Variants in UTS2B observed in about 807,000 individuals in gnomAD.
UTS2B encodes the protein urotensin-2B.
In UTS2B, 21 loss-of-function variants were observed where a neutral mutation model predicts 19.2. The observed-to-expected ratio is 1.09, with a 90% confidence interval of 0.78 to 1.58. The LOEUF (loss-of-function observed/expected upper bound fraction) is 1.58. Ranked by LOEUF, UTS2B falls within the 40% of genes most tolerant of loss-of-function variation. The pLI, the probability that UTS2B is intolerant of heterozygous loss-of-function variation, is 0.00. For missense variants in UTS2B, 138 were observed against 130.3 expected, an observed-to-expected ratio of 1.06 and a Z score of -0.29; for synonymous variants, 57 against 50.2, an observed-to-expected ratio of 1.14 and a Z score of -0.58.
rs1199992348 is a variant in UTS2B at position 191,281,118 on chromosome 3, T to C, written c.103+969A>G. On this transcript the variant is annotated intron_variant, in intron 5 of 8. Transcript: ENST00000340524. ...GGTAAAATGGAATTAGAATCAGAAA[T>C]TGGAAACTTGATCCCTTTTCTCAAT... 5.3e-5 allele frequency among the ~76,000 whole-genome samples: 8 copies of C among 152,164 alleles called. No homozygotes were observed. In the East Asian group the frequency reaches 1.3e-3, roughly 26 times the overall value.
At chr3:191,276,411 T>C (rs1198622000) in intron 7 of UTS2B, among the ~76,000 whole-genome samples, 1 of 152,230 alleles carries the variant, frequency 6.6e-6, no homozygotes, top group East Asian at 1.9e-4. Flanking sequence ...ATGTTTCATT[T>C]GCTGGGAAAA....
At chr3:191,314,352 G>A (rs1717390755) in intron 3 of UTS2B, among the ~76,000 whole-genome samples, 2 of 152,258 alleles carry the variant, frequency 1.3e-5, no homozygotes, top group Admixed American at 1.3e-4. Flanking sequence ...CAGCAGTCGT[G>A]CATTCTATTC....
intron 2 of UTS2B, among the ~76,000 whole-genome samples, chr3:191,325,047 C>T (rs1358079942): frequency 7.1e-6 from 1 of 140,278 alleles, no homozygotes; most frequent in African/African-American, 2.5e-5. Context: ...GAGACTCCAT[C>T]TCAGGAAAAA....
intron 8 of UTS2B, among the ~76,000 whole-genome samples, chr3:191,272,621 G>A (rs530303502): frequency 4.6e-5 from 7 of 152,184 alleles, no homozygotes; most frequent in Non-Finnish European, 1.0e-4. Flanking sequence ...AGCACTTTGG[G>A]AGGCAGAAGC....
At chr3:191,275,210 T>C (rs752849184) in intron 8 of UTS2B, 42 bp downstream of exon 8, 2 of 1,444,654 alleles carry the variant, frequency 1.4e-6, no homozygotes, top group Admixed American at 3.8e-5. Flanking sequence ...GCAAAAATAA[T>C]CTTTTGGAAG....
the UTS2B span, among the ~76,000 whole-genome samples, chr3:191,343,170 G>T: frequency 5.3e-5 from 8 of 152,264 alleles, no homozygotes; most frequent in South Asian, 4.1e-4. Flanking sequence ...TGGTATCTGT[G>T]GGGGTGCTGG....
intron 3 of UTS2B, among the ~76,000 whole-genome samples, chr3:191,304,756 C>G (rs533545851): frequency 6.6e-6 from 1 of 152,256 alleles, no homozygotes; most frequent in Non-Finnish European, 1.5e-5. Context: ...TTGTTATACA[C>G]ATTATTTCAT....
chr3:191,275,180 T>C, intron 8 of UTS2B, 72 bp downstream of exon 8: 1 of 1,189,180 alleles, frequency 8.4e-7, no homozygotes, highest in Non-Finnish European at 1.2e-6. Context: ...AACTGAATCT[T>C]CTTCCTCTCA....
the UTS2B span, among the ~76,000 whole-genome samples, chr3:191,341,247 A>C: frequency 6.6e-6 from 1 of 152,214 alleles, no homozygotes. Flanking sequence ...GAATTTATTA[A>C]CTTTAATGAG....
At chr3:191,300,175 G>A (rs12486272) in intron 4 of UTS2B, among the ~76,000 whole-genome samples, 58,842 of 151,684 alleles carry the variant, frequency 0.39, 11,930 homozygotes, top group East Asian at 0.64. Flanking sequence ...TCAGCCTCCC[G>A]AGTGGCTGGG....
intron 8 of UTS2B, among the ~76,000 whole-genome samples, chr3:191,275,026 T>G (rs1217765844): frequency 3.3e-5 from 5 of 152,212 alleles, no homozygotes. Context: ...AAGGACCTAT[T>G]TTATTTAAAC....
intron 1 of UTS2B, among the ~76,000 whole-genome samples, chr3:191,329,932 A>C (rs1249189503): frequency 1.6e-4 from 2 of 12,204 alleles, no homozygotes; most frequent in Admixed American, 1.0e-3. Context: ...TTTTTTCTCA[A>C]GGGGGTGGTT....
chr3:191,320,387 A>T (rs912355205), intron 2 of UTS2B, among the ~76,000 whole-genome samples: 1 of 152,252 alleles, frequency 6.6e-6, no homozygotes, highest in Non-Finnish European at 1.5e-5. Flanking sequence ...AGGACAGGGC[A>T]GTGAGAAGGG....
chr3:191,273,996 G>T (rs1466564283), intron 8 of UTS2B, among the ~76,000 whole-genome samples: 1 of 152,016 alleles, frequency 6.6e-6, no homozygotes, highest in Non-Finnish European at 1.5e-5. Flanking sequence ...CAGCTACTTG[G>T]GAGGCTGAGG....
In UTS2B at chr3:191,304,489, C is replaced by CA. The variant is rs1438651631; in HGVS notation, c.-125+2dup. 1 of 152,194 alleles carries CA rather than the reference C, an allele frequency of 6.6e-6. No homozygotes were observed. Among genetic ancestry groups the CA allele is most frequent in the Non-Finnish European group, 1.5e-5 (1 of 68,034 alleles). The allele number at this position is 152,194 out of a possible 1,614,324, so 9.4% of individuals were successfully genotyped here. A position where few individuals can be genotyped will look rare whatever the true frequency, so the allele number is the denominator to read the frequency against. On this transcript the variant is annotated splice_region_variant and intron_variant, in intron 4 of 8. Coordinates refer to ENST00000340524, the MANE Select transcript of UTS2B (RefSeq NM_198152.5). ...CTTTCCCAGGTACATTTCTCCTACTCACCATTCTCTCGTGCTATTTCCTCC... is the reference window on the plus strand; with the variant it reads ...CTTTCCCAGGTACATTTCTCCTACTCAACCATTCTCTCGTGCTATTTCCTCC...
chr3:191,276,782 T>C, intron 7 of UTS2B, 25 bp downstream of exon 7: 2 of 1,598,978 alleles, frequency 1.3e-6, no homozygotes, highest in Non-Finnish European at 1.7e-6. Flanking sequence ...TTAAAACTGC[T>C]CATTTAAGTA....
At chr3:191,295,920 T>A (rs1461133681) in intron 4 of UTS2B, among the ~76,000 whole-genome samples, 2 of 152,188 alleles carry the variant, frequency 1.3e-5, no homozygotes, top group Non-Finnish European at 2.9e-5. Flanking sequence ...ACTGCTGAAA[T>A]ACCCTCAATA....
the UTS2B span, among the ~76,000 whole-genome samples, chr3:191,341,391 A>G: frequency 6.6e-6 from 1 of 152,208 alleles, no homozygotes; most frequent in Non-Finnish European, 1.5e-5. Flanking sequence ...CCTGAGGTTC[A>G]AAGAAATTAA....
chr3:191,273,191 T>C (rs1294265559), intron 8 of UTS2B, among the ~76,000 whole-genome samples: 3 of 152,190 alleles, frequency 2.0e-5, no homozygotes, highest in East Asian at 1.9e-4. Context: ...GGCCACATTA[T>C]ATCTGATGAA....
Sources: gnomAD v4.1 joint callset for allele counts (sites outside exome capture counted in the v4.1 genomes callset) on GRCh38, gnomAD v4.1.1 for gene constraint, MANE v1.5 for transcripts, NCBI Gene and HGNC (gene_info 2026-07-23, HGNC 2026-07-21) for gene names.